RIMKLA: variants seen among roughly 807,000 people sequenced by gnomAD.
RIMKLA encodes N-acetylaspartylglutamate synthase A.
RIMKLA carries 14 observed loss-of-function variants against 32.7 expected under a neutral mutation model. That is an observed-to-expected ratio of 0.43 (90% CI 0.28 to 0.67). The LOEUF (loss-of-function observed/expected upper bound fraction) is 0.67. Among genes scored for constraint, RIMKLA ranks in the 30% least tolerant of loss-of-function variants. The pLI is 0.18. For missense variants in RIMKLA, 410 were observed against 519.0 expected (o/e 0.79, Z 2.04); for synonymous variants, 176 against 204.1 (o/e 0.86, Z 1.18).
chr1:42,384,169 A>C (rs913301909), intron 1 of RIMKLA, among the ~76,000 whole-genome samples: 10 of 152,122 alleles, frequency 6.6e-5, no homozygotes, highest in African/African-American at 2.4e-4. Flanking sequence ...TATATCTGGA[A>C]GTAGGATTCA....
At chr1:42,382,125 TTC>T (rs920514371) in intron 1 of RIMKLA, among the ~76,000 whole-genome samples, 1 of 152,250 alleles carries the variant, frequency 6.6e-6, no homozygotes, top group Non-Finnish European at 1.5e-5. Context: ...TATGACCTGT[TTC>T]TGAGTGGAAT....
intron 2 of RIMKLA, among the ~76,000 whole-genome samples, chr1:42,403,062 T>C (rs1643114347): frequency 6.6e-6 from 1 of 152,194 alleles, no homozygotes; most frequent in African/African-American, 2.4e-5. Context: ...TAGCACATTT[T>C]TGAGAACTAG....
chr1:42,395,799 C>T (rs1170884866), intron 1 of RIMKLA, among the ~76,000 whole-genome samples: 1 of 152,158 alleles, frequency 6.6e-6, no homozygotes, highest in Non-Finnish European at 1.5e-5. Flanking sequence ...CAGCCTTAAA[C>T]CCAAATTGTC....
At chr1:42,409,557 G>C (rs1376458467) in intron 3 of RIMKLA, among the ~76,000 whole-genome samples, 1 of 152,150 alleles carries the variant, frequency 6.6e-6, no homozygotes, top group Non-Finnish European at 1.5e-5. Flanking sequence ...ACATTAATTG[G>C]CATCTGCCCT....
At chr1:42,393,233 A>T (rs1227748596) in intron 1 of RIMKLA, among the ~76,000 whole-genome samples, 1 of 152,264 alleles carries the variant, frequency 6.6e-6, no homozygotes, top group Middle Eastern at 3.4e-3. Flanking sequence ...GTGAGCTTCT[A>T]CAGAAACCAA....
Position 42,422,306 on chromosome 1 carries a change from A to G in RIMKLA, c.*7332A>G, listed in dbSNP as rs1643302279. 6.6e-6 allele frequency: 1 copy of G among 152,252 alleles called. No individual in the cohort carries two copies. The highest frequency in any genetic ancestry group is 2.4e-5 in the African/African-American group (1 of 41,470). The allele number at this position is 152,252 out of a possible 1,614,324, so 9.4% of individuals were successfully genotyped here. ...ACTTGAGAAAGATGTTTACTTTGCTACTAAACTTATTGGAGTGATTTGTAA... is the reference window on the plus strand; with the variant it reads ...ACTTGAGAAAGATGTTTACTTTGCTGCTAAACTTATTGGAGTGATTTGTAA... On this transcript the variant is annotated 3_prime_UTR_variant, in exon 5 of 5. Transcript: ENST00000431473.
rs1364419018 is a variant in RIMKLA at position 42,380,820 on chromosome 1, C to G, written c.-115C>G. On this transcript the variant is annotated 5_prime_UTR_variant, in exon 1 of 5. Transcript: ENST00000431473. ...GAGACGCCTGGCGCACCCGCGGGAG[C>G]GGAGCCGTGGCGCGCTCGCCCCGGA... The G allele has an allele frequency of 9.9e-6, 5 of 504,674 alleles. No individual in the cohort carries two copies. The East Asian group carries it at 4.9e-4, about 49-fold the overall frequency. The allele number at this position is 504,674 out of a possible 1,614,324, so 31.3% of individuals were successfully genotyped here.
In RIMKLA at chr1:42,414,631, T is replaced by A; in HGVS notation, c.833T>A (p.Val278Asp). The stretch of plus-strand genomic sequence containing the variant: ...GTGGTGTGTGAGGCAAATGCTAATG[T>A]TGGCTTCCTAGCCTTTGACCAGGCA... ...SFVVCEANAN[V>D]GFLAFDQACN... Residue 278 changes from valine to aspartate, a missense_variant, in exon 5 of 5, where the codon GTT (valine) becomes GAT (aspartate). Transcript: ENST00000431473. 1 of 1,614,238 alleles carries A rather than the reference T, an allele frequency of 6.2e-7. No individual in the cohort carries two copies. The highest frequency in any genetic ancestry group is 8.5e-7 in the Non-Finnish European group (1 of 1,180,034).
chr1:42,408,406 G>A (rs985357983), intron 3 of RIMKLA, among the ~76,000 whole-genome samples: 3 of 152,128 alleles, frequency 2.0e-5, no homozygotes, highest in African/African-American at 7.2e-5. Flanking sequence ...TACCACTAGG[G>A]ACTGGTGTAT....
In RIMKLA at chr1:42,416,626, A is replaced by C. The variant is rs1643250996; in HGVS notation, c.*1652A>C. ...GAATGTTCTGTGTAAGGTCAGCTTC[A>C]CTGGAATAAACATACATCTTCCCAA... On this transcript the variant is annotated 3_prime_UTR_variant, in exon 5 of 5. Transcript: ENST00000431473. 6.6e-6 allele frequency: 1 copy of C among 152,248 alleles called. No individual in the cohort carries two copies. Among genetic ancestry groups the C allele is most frequent in the African/African-American group, 2.4e-5 (1 of 41,472 alleles). 9.4% of individuals were successfully genotyped at this position (152,248 alleles called of 1,614,324 possible).
At chr1:42,399,982 G>C (rs1643082775) in intron 2 of RIMKLA, among the ~76,000 whole-genome samples, 1 of 152,178 alleles carries the variant, frequency 6.6e-6, no homozygotes, top group Admixed American at 6.5e-5. Context: ...GCTATGAAAA[G>C]AATAAGTGCA....
intron 1 of RIMKLA, among the ~76,000 whole-genome samples, chr1:42,385,848 T>TCTCTCTC (rs1557749953): frequency 2.4e-4 from 4 of 16,690 alleles, no homozygotes; most frequent in African/African-American, 6.5e-4. Context: ...TTCTTTCTCT[T>TCTCTCTC]TCTTTCTTTC....
At chr1:42,384,541 GTA>G (rs565501394) in intron 1 of RIMKLA, among the ~76,000 whole-genome samples, 67 of 137,456 alleles carry the variant, frequency 4.9e-4, no homozygotes, top group Admixed American at 2.2e-3. Flanking sequence ...ACATATATAT[GTA>G]TATATATGTG....
chr1:42,383,811 G>A (rs1180198793), intron 1 of RIMKLA, among the ~76,000 whole-genome samples: 1 of 152,070 alleles, frequency 6.6e-6, no homozygotes, highest in African/African-American at 2.4e-5. Context: ...TTAAAAACCT[G>A]GTCTTCTAAT....
At chr1:42,404,467 G>T (rs1215485167) in intron 2 of RIMKLA, 44 bp from the exon 3 acceptor site, 3 of 1,358,162 alleles carry the variant, frequency 2.2e-6, no homozygotes, top group Non-Finnish European at 2.1e-6. Context: ...ACCGCTACCT[G>T]ACTATCAGCC....
At chr1:42,382,371 T>C (rs531330327) in intron 1 of RIMKLA, among the ~76,000 whole-genome samples, 1 of 152,354 alleles carries the variant, frequency 6.6e-6, no homozygotes, top group African/African-American at 2.4e-5. Flanking sequence ...TGAATTCCTA[T>C]TACAGCTTTA....
At position 42,417,817 on chromosome 1, in the gene RIMKLA, TC is replaced by T. The variant is rs948437286; in HGVS notation, c.*2846del. 2 of 152,086 alleles carry T rather than the reference TC, an allele frequency of 1.3e-5. No individual in the cohort carries two copies. The highest frequency in any genetic ancestry group is 4.8e-5 in the African/African-American group (2 of 41,318). The allele number at this position is 152,086 out of a possible 1,614,324, so 9.4% of individuals were successfully genotyped here. On this transcript the variant is annotated 3_prime_UTR_variant, in exon 5 of 5. Transcript: ENST00000431473. ...CGGGCATGGTGGCGGGCGCCTGTAG[TC>T]CCAGCTACTTGGGAGGCTGAGGCAG...
intron 1 of RIMKLA, among the ~76,000 whole-genome samples, chr1:42,396,906 C>CT (rs1354215718): frequency 6.6e-6 from 1 of 152,102 alleles, no homozygotes; most frequent in East Asian, 1.9e-4. Flanking sequence ...GAATATTTTT[C>CT]TTTTTTCTCC....
At chr1:42,381,331 A>G (rs567831910) in intron 1 of RIMKLA, among the ~76,000 whole-genome samples, 16 of 152,310 alleles carry the variant, frequency 1.1e-4, no homozygotes, top group African/African-American at 3.8e-4. Flanking sequence ...TAATTTACTT[A>G]GGGGACTTCA....
Sources: gnomAD v4.1 joint callset for allele counts (sites outside exome capture counted in the v4.1 genomes callset) on GRCh38, gnomAD v4.1.1 for gene constraint, MANE v1.5 for transcripts, NCBI Gene and HGNC (gene_info 2026-07-23, HGNC 2026-07-21) for gene names.